IGF1R: variants seen among roughly 807,000 people sequenced by gnomAD.
The protein encoded by IGF1R is insulin like growth factor 1 receptor, also known as insulin-like growth factor 1 receptor.
IGF1R carries 44 observed loss-of-function variants against 144.6 expected under a neutral mutation model. That is an observed-to-expected ratio of 0.30 (90% confidence interval 0.24 to 0.39). IGF1R has a LOEUF of 0.39. Among genes scored for constraint, IGF1R ranks in the 10% least tolerant of loss-of-function variants. IGF1R has a pLI of 1.00. For synonymous variants in IGF1R, 795 were observed against 722.8 expected (o/e 1.10, Z -1.60); for missense variants, 1,355 against 1,833.7 (o/e 0.74, Z 4.77).
intron 1 of IGF1R, among the ~76,000 whole-genome samples, chr15:98,705,257 G>A (rs952762459): frequency 6.6e-6 from 1 of 152,196 alleles, no homozygotes; most frequent in African/African-American, 2.4e-5. Flanking sequence ...TGACTGGAAG[G>A]TCAAGTGACA....
intron 2 of IGF1R, among the ~76,000 whole-genome samples, chr15:98,807,169 T>C (rs2056489942): frequency 6.6e-6 from 1 of 152,212 alleles, no homozygotes; most frequent in Admixed American, 6.5e-5. Context: ...GGTGGGATTT[T>C]TATAAATCCA....
chr15:98,772,515 T>TATTGTTA (rs1567121473), intron 2 of IGF1R, among the ~76,000 whole-genome samples: 1 of 146,522 alleles, frequency 6.8e-6, no homozygotes, highest in Non-Finnish European at 1.5e-5. Context: ...TTATTATTAT[T>TATTGTTA]TTAAGAATTA....
chr15:98,850,157 G>A (rs796165725), intron 2 of IGF1R, among the ~76,000 whole-genome samples: 17 of 152,362 alleles, frequency 1.1e-4, no homozygotes, highest in African/African-American at 3.6e-4. Flanking sequence ...AAGTAAGTTA[G>A]GGTGATAGCT....
At chr15:98,955,003 A>C (rs1188923030) in intron 20 of IGF1R, among the ~76,000 whole-genome samples, 1 of 152,198 alleles carries the variant, frequency 6.6e-6, no homozygotes, top group African/African-American at 2.4e-5. Context: ...ATCAAAGTGT[A>C]GTCATTCTGT....
At chr15:98,852,394 C>A (rs944176424) in intron 2 of IGF1R, among the ~76,000 whole-genome samples, 1 of 152,196 alleles carries the variant, frequency 6.6e-6, no homozygotes, top group African/African-American at 2.4e-5. Context: ...ACTTTCCACT[C>A]CGAATAACAC....
chr15:98,843,794 A>G (rs996084223), intron 2 of IGF1R, among the ~76,000 whole-genome samples: 10 of 152,192 alleles, frequency 6.6e-5, no homozygotes, highest in African/African-American at 2.2e-4. Flanking sequence ...GTAGTAGTCT[A>G]TTAAATTAAC....
rs2013928609 is a variant in IGF1R at position 98,891,680 on chromosome 15, A to G, written c.953+43A>G. On this transcript the variant is annotated intron_variant, in intron 3 of 20. Coordinates refer to ENST00000650285, the MANE Select transcript of IGF1R (RefSeq NM_000875.5). The surrounding 1 kb of genome is among the most constrained non-coding windows in gnomAD (Gnocchi z 4.7). The stretch of plus-strand genomic sequence containing the variant: ...GTGTGGTCACTACCCGCCCCACCTC[A>G]CCCGCCACCCTAGCACACAAAGGTA... 6.4e-7 allele frequency: 1 copy of G among 1,566,044 alleles called. No individual in the cohort carries two copies. The highest frequency in any genetic ancestry group is 8.7e-7 in the Non-Finnish European group (1 of 1,153,048).
chr15:98,738,544 A>G (rs1430230558), intron 2 of IGF1R, among the ~76,000 whole-genome samples: 1 of 152,192 alleles, frequency 6.6e-6, no homozygotes, highest in African/African-American at 2.4e-5. Flanking sequence ...CCAAAGCAAG[A>G]TAAAATTATC....
At chr15:98,828,086 G>A (rs2056928754) in intron 2 of IGF1R, among the ~76,000 whole-genome samples, 1 of 152,166 alleles carries the variant, frequency 6.6e-6, no homozygotes, top group Non-Finnish European at 1.5e-5. Context: ...TCCCGCTGGG[G>A]GCATTCACCC....
At chr15:98,786,912 C>G (rs2056012205) in intron 2 of IGF1R, among the ~76,000 whole-genome samples, 1 of 152,172 alleles carries the variant, frequency 6.6e-6, no homozygotes, top group Non-Finnish European at 1.5e-5. Context: ...GAGAATTGAT[C>G]CTTAGACATT....
At chr15:98,666,407 G>T (rs1305098131) in intron 1 of IGF1R, among the ~76,000 whole-genome samples, 1 of 152,030 alleles carries the variant, frequency 6.6e-6, no homozygotes, top group Non-Finnish European at 1.5e-5. Context: ...GTGAAAGCAG[G>T]GGCTCGAACA....
At position 98,924,552 on chromosome 15, in the gene IGF1R, G is replaced by T; in HGVS notation, c.2650G>T (p.Glu884Ter). 6.2e-7 allele frequency: 1 copy of T among 1,614,144 alleles called. No individual in the cohort carries two copies. The highest frequency in any genetic ancestry group is 8.5e-7 in the Non-Finnish European group (1 of 1,180,002). The stretch of plus-strand genomic sequence containing the variant: ...TCAGCGAGAATGTGTGTCCAGACAG[G>T]AATACAGGAAGTATGGAGGGGCCAA... ...EDQRECVSRQEYRKYGGAKLN... is the reference protein window; with the variant it reads ...EDQRECVSRQ The change falls in exon 13 of 21, where the codon GAA (glutamate) becomes TAA (stop). Residue 884 changes from glutamate (E) to a stop codon, truncating the protein, a stop_gained. Coordinates refer to ENST00000650285, the MANE Select transcript of IGF1R (RefSeq NM_000875.5). LOFTEE classifies it high-confidence loss of function.
chr15:98,708,141 CCT>C (rs747765995), intron 2 of IGF1R, 34 bp downstream of exon 2: 97 of 1,560,626 alleles, frequency 6.2e-5, no homozygotes, highest in East Asian at 4.3e-4. Flanking sequence ...TTTCTCTCTG[CCT>C]CTCTCTCTCC....
intron 1 of IGF1R, among the ~76,000 whole-genome samples, chr15:98,681,862 A>G (rs918602265): frequency 1.3e-5 from 2 of 152,186 alleles, no homozygotes; most frequent in African/African-American, 4.8e-5. Context: ...ATGTGTGACC[A>G]AGGAGATGGT....
At chr15:98,671,637 T>C (rs1004614408) in intron 1 of IGF1R, among the ~76,000 whole-genome samples, 2 of 152,330 alleles carry the variant, frequency 1.3e-5, no homozygotes, top group African/African-American at 4.8e-5. Context: ...ATTCCTGGCT[T>C]CAGAGACTTG....
At chr15:98,655,613 G>A (rs886323620) in intron 1 of IGF1R, among the ~76,000 whole-genome samples, 5 of 150,786 alleles carry the variant, frequency 3.3e-5, no homozygotes, top group South Asian at 2.1e-4. Context: ...AAAGATACCC[G>A]TCAAACTATA....
intron 19 of IGF1R, among the ~76,000 whole-genome samples, chr15:98,943,545 G>A (rs1275708043): frequency 1.3e-5 from 2 of 152,182 alleles, no homozygotes; most frequent in East Asian, 3.8e-4. Flanking sequence ...ATCCACCGTT[G>A]TGGACCCAGG....
intron 2 of IGF1R, among the ~76,000 whole-genome samples, chr15:98,850,078 A>C (rs2141554739): frequency 6.6e-6 from 1 of 152,378 alleles, no homozygotes; most frequent in African/African-American, 2.4e-5. Flanking sequence ...ACAGTTGTGC[A>C]GTTGTTCATT....
At chr15:98,953,119 G>C (rs1048833956) in intron 20 of IGF1R, 1 of 150,810 alleles carries the variant, frequency 6.6e-6, no homozygotes, top group African/African-American at 2.5e-5. Context: ...AGGTGAGAAA[G>C]TGTGTGAGTT....
Sources: allele counts gnomAD v4.1 joint callset (sites outside exome capture counted in the v4.1 genomes callset), GRCh38; gene constraint gnomAD v4.1.1; non-coding constraint Gnocchi (gnomAD v3.1); transcripts MANE v1.5; gene names NCBI Gene and HGNC (gene_info 2026-07-23, HGNC 2026-07-21).